Variants in DPP10 observed in about 807,000 individuals in gnomAD.
DPP10 encodes the protein dipeptidyl peptidase like 10.
In DPP10, 33 loss-of-function variants were observed where a neutral mutation model predicts 120.9. The observed-to-expected ratio is 0.27, with a 90% CI of 0.21 to 0.37. DPP10 has a LOEUF of 0.37. Ranked by LOEUF, DPP10 falls within the 10% of genes least tolerant of loss-of-function variation. DPP10 has a pLI of 1.00. For missense variants in DPP10, 816 were observed against 942.8 expected (o/e 0.87, Z 1.76); for synonymous variants, 337 against 326.1 (o/e 1.03, Z -0.36).
At chr2:115,599,844 C>T (rs1478705479) in intron 5 of DPP10, among the ~76,000 whole-genome samples, 1 of 72,542 alleles carries the variant, frequency 1.4e-5, no homozygotes, top group Non-Finnish European at 2.7e-5. Flanking sequence ...TGCATTGTAG[C>T]TCACATCTCA....
chr2:114,445,452 T>G (rs1428580492), intron 1 of DPP10, among the ~76,000 whole-genome samples: 1 of 151,630 alleles, frequency 6.6e-6, no homozygotes, highest in Non-Finnish European at 1.5e-5. Context: ...CTAAAAAGAA[T>G]GCAATGGGAA....
chr2:114,623,097 C>A (rs1056664232), intron 1 of DPP10, among the ~76,000 whole-genome samples: 1 of 151,968 alleles, frequency 6.6e-6, no homozygotes, highest in African/African-American at 2.4e-5. Context: ...GACAGTAGAG[C>A]CCAAATCCCT....
chr2:115,105,546 G>C (rs1297679366), intron 1 of DPP10, among the ~76,000 whole-genome samples: 1 of 152,104 alleles, frequency 6.6e-6, no homozygotes, highest in Admixed American at 6.6e-5. Context: ...ACAGCACCAA[G>C]TCATTCATGA....
chr2:115,292,839 A>T (rs1030118699), intron 1 of DPP10, among the ~76,000 whole-genome samples: 1 of 152,124 alleles, frequency 6.6e-6, no homozygotes, highest in African/African-American at 2.4e-5. Flanking sequence ...TTACTGCTAA[A>T]TACCCTTCTG....
intron 7 of DPP10, among the ~76,000 whole-genome samples, chr2:115,699,231 G>C (rs2091774877): frequency 6.6e-6 from 1 of 152,092 alleles, no homozygotes; most frequent in Admixed American, 6.6e-5. Context: ...TGAAGAAATA[G>C]AAAATCTGAA....
intron 1 of DPP10, among the ~76,000 whole-genome samples, chr2:114,964,261 T>C (rs1407004767): frequency 6.6e-6 from 1 of 152,162 alleles, no homozygotes; most frequent in Non-Finnish European, 1.5e-5. Flanking sequence ...CTTTCTTCTT[T>C]TCTTACATTC....
At chr2:114,983,768 C>T (rs188681585) in intron 1 of DPP10, among the ~76,000 whole-genome samples, 115 of 152,270 alleles carry the variant, frequency 7.6e-4, no homozygotes, top group Admixed American at 1.4e-3. Context: ...TTTAAATTGT[C>T]TCATCCATAT....
chr2:115,575,317 A>G (rs1311484734), intron 5 of DPP10, among the ~76,000 whole-genome samples: 1 of 152,204 alleles, frequency 6.6e-6, no homozygotes, highest in Non-Finnish European at 1.5e-5. Context: ...AAATATCATC[A>G]TAAGAAAGTG....
chr2:115,642,478 G>A (rs1318883818), intron 5 of DPP10, among the ~76,000 whole-genome samples: 6 of 152,090 alleles, frequency 3.9e-5, no homozygotes, highest in African/African-American at 1.2e-4. Flanking sequence ...ATTCTTTTCC[G>A]CGTCTCCAGC....
chr2:115,764,426 GA>G (rs554123741), intron 12 of DPP10, among the ~76,000 whole-genome samples: 5 of 151,150 alleles, frequency 3.3e-5, no homozygotes, highest in East Asian at 3.9e-4. Flanking sequence ...AAATAAAATA[GA>G]AAAAAAACCC....
chr2:114,823,270 A>G (rs1285449514), intron 1 of DPP10, among the ~76,000 whole-genome samples: 1 of 152,084 alleles, frequency 6.6e-6, no homozygotes, highest in Non-Finnish European at 1.5e-5. Flanking sequence ...TGCCAAACAA[A>G]ACGGGAAGCC....
intron 1 of DPP10, among the ~76,000 whole-genome samples, chr2:114,579,278 G>A (rs1690301012): frequency 6.6e-6 from 1 of 152,218 alleles, no homozygotes; most frequent in African/African-American, 2.4e-5. Context: ...AAGTGAGGGA[G>A]TGGAGTGAAC....
At chr2:114,626,323 C>T (rs998051264) in intron 1 of DPP10, among the ~76,000 whole-genome samples, 2 of 151,912 alleles carry the variant, frequency 1.3e-5, no homozygotes, top group Non-Finnish European at 2.9e-5. Flanking sequence ...TAATCATTTG[C>T]AATAGTTCTT....
chr2:115,305,522 C>T (rs1006738524), intron 1 of DPP10, among the ~76,000 whole-genome samples: 5 of 151,908 alleles, frequency 3.3e-5, no homozygotes, highest in African/African-American at 1.2e-4. Context: ...TGCTTGAGGC[C>T]AGGAGTTTGA....
chr2:114,544,986 G>A (rs994348861), intron 1 of DPP10, among the ~76,000 whole-genome samples: 30 of 151,898 alleles, frequency 2.0e-4, no homozygotes, highest in African/African-American at 7.0e-4. Flanking sequence ...CAAGTAGCTG[G>A]GATTACAGGC....
intron 3 of DPP10, among the ~76,000 whole-genome samples, chr2:115,368,555 T>A (rs2065212644): frequency 6.6e-6 from 1 of 152,094 alleles, no homozygotes; most frequent in African/African-American, 2.4e-5. Context: ...TTAATTGTCT[T>A]CAGGTTTGCA....
chr2:115,194,207 G>T (rs1003722375), intron 1 of DPP10, among the ~76,000 whole-genome samples: 1 of 151,362 alleles, frequency 6.6e-6, no homozygotes, highest in Non-Finnish European at 1.5e-5. Flanking sequence ...CCATCTGCGG[G>T]TTACTGGGTT....
At chr2:115,216,601 T>C (rs2056835721) in intron 1 of DPP10, among the ~76,000 whole-genome samples, 1 of 151,958 alleles carries the variant, frequency 6.6e-6, no homozygotes, top group Admixed American at 6.6e-5. Flanking sequence ...CTGGCCAACA[T>C]GGTGAAACCT....
intron 1 of DPP10, among the ~76,000 whole-genome samples, chr2:115,271,989 A>G (rs1242730130): frequency 6.6e-6 from 1 of 152,228 alleles, no homozygotes; most frequent in Non-Finnish European, 1.5e-5. Flanking sequence ...AAGAATGCTC[A>G]ATATGAGCAT....
Sources: allele counts gnomAD v4.1 joint callset (sites outside exome capture counted in the v4.1 genomes callset), GRCh38; gene constraint gnomAD v4.1.1; transcripts MANE v1.5; gene names NCBI Gene and HGNC (gene_info 2026-07-23, HGNC 2026-07-21).